Variants in PTGFR observed in about 807,000 individuals in gnomAD.
The protein encoded by PTGFR is prostaglandin F receptor.
Under a neutral mutation model 26.2 loss-of-function variants are expected in PTGFR, and 15 were observed. The ratio of observed to expected loss-of-function variants is 0.57; its 90% CI spans 0.38 to 0.88. The LOEUF is 0.88. Among genes scored for constraint, PTGFR ranks in the 40% least tolerant of loss-of-function variants. PTGFR has a pLI of 0.00. For synonymous variants in PTGFR, 165 were observed against 151.1 expected, an observed-to-expected ratio of 1.09 and a Z score of -0.68; for missense variants, 369 against 427.2, an observed-to-expected ratio of 0.86 and a Z score of 1.20.
At position 78,540,457 on chromosome 1, in the gene PTGFR, A is replaced by T. The variant is rs1300706410; in HGVS notation, c.*3770A>T. On this transcript the variant is annotated 3_prime_UTR_variant, in exon 3 of 3. Transcript: ENST00000370757. ...TTTAAACATTTAGAAACATCATGGC[A>T]TAGAAACATTTAGGACTCACTCTTT... Among the ~76,000 whole-genome samples the T allele has an allele frequency of 1.3e-5, 2 of 152,144 alleles. No homozygotes were observed. The highest frequency in any genetic ancestry group is 2.9e-5 in the Non-Finnish European group (2 of 68,006).
At chr1:78,493,567 G>A (rs1308426856) in intron 2 of PTGFR, 26 bp downstream of exon 2, 2 of 1,507,558 alleles carry the variant, frequency 1.3e-6, no homozygotes, top group Middle Eastern at 1.8e-4. Context: ...TTTGACTTCT[G>A]CTTTCTTGGG....
chr1:78,533,854 G>A (rs1650582059), intron 2 of PTGFR, among the ~76,000 whole-genome samples: 1 of 152,078 alleles, frequency 6.6e-6, no homozygotes, highest in South Asian at 2.1e-4. Context: ...GTTAACAGTT[G>A]ATAGAATTGT....
rs369124989 is a variant in PTGFR, at chr1:78,493,070, T to C, written c.327T>C (p.Ser109=). The stretch of plus-strand genomic sequence containing the variant: ...TTGACCAATCAAATGTCCTTTGCAG[T>C]ATTTTTGGTATCTGCATGGTGTTTT... ...IRFDQSNVLC[S]IFGICMVFSG... Residue 109 remains serine, a synonymous_variant, in exon 2 of 3, where the codon AGT becomes AGC. Transcript: ENST00000370757. The C allele has an allele frequency of 1.9e-5, 31 of 1,614,160 alleles. No individual in the cohort carries two copies. In the Admixed American group the frequency reaches 5.2e-4, roughly 27 times the overall value.
intron 2 of PTGFR, among the ~76,000 whole-genome samples, chr1:78,526,259 G>A (rs922457133): frequency 1.8e-4 from 27 of 152,124 alleles, no homozygotes; most frequent in African/African-American, 6.3e-4. Context: ...ATGAGAGGCT[G>A]TGGAGTATGG....
chr1:78,498,002 C>G, intron 2 of PTGFR: 1 of 1,283,986 alleles, frequency 7.8e-7, no homozygotes, highest in Admixed American at 1.9e-5. Flanking sequence ...CTTGATTTTC[C>G]TAAGGTTACT....
At position 78,492,798 on chromosome 1, in the gene PTGFR, A is replaced by G; in HGVS notation, c.55A>G (p.Asn19Asp). The change falls in exon 2 of 3, where the codon AAC becomes GAC. Residue 19 changes from asparagine (N) to aspartate (D), a missense_variant. Transcript: ENST00000370757. ...LVSPAAALLS[N>D]TTCQTENRLS... ...GTCTCCTGCAGCTGCGCTTCTTTCAAACACAACCTGCCAGACGGAAAACCG... is the reference window on the plus strand; with the variant it reads ...GTCTCCTGCAGCTGCGCTTCTTTCAGACACAACCTGCCAGACGGAAAACCG... 1.9e-6 allele frequency: 3 copies of G among 1,614,204 alleles called. No individual in the cohort carries two copies. In the South Asian group the frequency reaches 3.3e-5, roughly 18 times the overall value.
chr1:78,534,881 T>C (rs1216118721), intron 2 of PTGFR, among the ~76,000 whole-genome samples: 1 of 152,200 alleles, frequency 6.6e-6, no homozygotes, highest in African/African-American at 2.4e-5. Flanking sequence ...GTATTTGTTA[T>C]TACTAATATA....
At chr1:78,511,220 C>A (rs998087146) in intron 2 of PTGFR, among the ~76,000 whole-genome samples, 15 of 152,192 alleles carry the variant, frequency 9.9e-5, no homozygotes, top group Admixed American at 9.2e-4. Flanking sequence ...GGGCTCCAAC[C>A]CAAAACTTTT....
At chr1:78,533,782 G>T (rs1650580216) in intron 2 of PTGFR, among the ~76,000 whole-genome samples, 1 of 152,134 alleles carries the variant, frequency 6.6e-6, no homozygotes, top group Non-Finnish European at 1.5e-5. Context: ...TAAAACCTTA[G>T]CAAACATGGG....
chr1:78,527,204 T>C (rs1251828338), intron 2 of PTGFR, among the ~76,000 whole-genome samples: 1 of 152,160 alleles, frequency 6.6e-6, no homozygotes, highest in Non-Finnish European at 1.5e-5. Context: ...GGCTGTATAC[T>C]GCATTGTAAC....
intron 2 of PTGFR, among the ~76,000 whole-genome samples, chr1:78,525,406 A>G (rs930026307): frequency 2.6e-5 from 4 of 151,974 alleles, no homozygotes; most frequent in African/African-American, 7.2e-5. Context: ...ATTTTATTAT[A>G]GAGGATACAA....
At chr1:78,502,537 A>G (rs1378056322) in intron 2 of PTGFR, among the ~76,000 whole-genome samples, 1 of 152,202 alleles carries the variant, frequency 6.6e-6, no homozygotes, top group Non-Finnish European at 1.5e-5. Context: ...TTTGACATAT[A>G]ACAAGTACCA....
At chr1:78,525,687 A>G (rs1202323460) in intron 2 of PTGFR, among the ~76,000 whole-genome samples, 1 of 152,110 alleles carries the variant, frequency 6.6e-6, no homozygotes, top group Non-Finnish European at 1.5e-5. Flanking sequence ...CTCTAATCAC[A>G]TGGTTGGTCT....
chr1:78,497,550 A>G (rs2100351734), intron 2 of PTGFR, among the ~76,000 whole-genome samples: 1 of 152,286 alleles, frequency 6.6e-6, no homozygotes, highest in African/African-American at 2.4e-5. Flanking sequence ...TATATGGGTA[A>G]CGATTCTTTT....
chr1:78,534,415 T>C (rs1650595384), intron 2 of PTGFR, among the ~76,000 whole-genome samples: 2 of 152,190 alleles, frequency 1.3e-5, no homozygotes, highest in African/African-American at 4.8e-5. Context: ...TCCAGGAGAT[T>C]CTGTGGTAAC....
intron 2 of PTGFR, among the ~76,000 whole-genome samples, chr1:78,513,755 G>A (rs1350302526): frequency 6.6e-6 from 1 of 152,080 alleles, no homozygotes; most frequent in Non-Finnish European, 1.5e-5. Context: ...AGTCTTTGAG[G>A]CAGCCCCTCT....
At chr1:78,513,294 G>A (rs1277495576) in intron 2 of PTGFR, among the ~76,000 whole-genome samples, 1 of 152,132 alleles carries the variant, frequency 6.6e-6, no homozygotes, top group Admixed American at 6.5e-5. Flanking sequence ...TGGAAATACG[G>A]ACAAAGAAGG....
intron 2 of PTGFR, among the ~76,000 whole-genome samples, chr1:78,510,189 T>C (rs1649931033): frequency 6.6e-6 from 1 of 152,144 alleles, no homozygotes; most frequent in South Asian, 2.1e-4. Context: ...CACAACTCTC[T>C]TAAAATACTA....
Position 78,493,266 on chromosome 1 carries a change from C to T in PTGFR, c.523C>T (p.Arg175Ter). Reference protein sequence around the residue: ...FIALLPILGHRDYKIQASRTW... With the variant: ...FIALLPILGH The stretch of plus-strand genomic sequence containing the variant: ...AGCTTTGCTGCCCATCCTTGGACAT[C>T]GAGACTATAAAATTCAGGCGTCGAG... Residue 175 changes from arginine (R) to a stop codon, truncating the protein, a stop_gained, in exon 2 of 3, where the codon CGA (arginine) becomes TGA (stop). Coordinates refer to ENST00000370757, the MANE Select transcript of PTGFR (RefSeq NM_000959.4). LOFTEE classifies it high-confidence loss of function. The T allele has an allele frequency of 1.9e-6, 3 of 1,614,032 alleles. No individual in the cohort carries two copies. The highest frequency in any genetic ancestry group is 2.2e-5 in the East Asian group (1 of 44,888).
Sources: gnomAD v4.1 joint callset for allele counts (sites outside exome capture counted in the v4.1 genomes callset) on GRCh38, gnomAD v4.1.1 for gene constraint, MANE v1.5 for transcripts, NCBI Gene and HGNC (gene_info 2026-07-23, HGNC 2026-07-21) for gene names.